TENM4: variants seen among roughly 807,000 people sequenced by gnomAD.
The protein encoded by TENM4 is teneurin-4.
In TENM4, 82 loss-of-function variants were observed where a neutral mutation model predicts 243.3. That is an observed-to-expected ratio of 0.34 (90% CI 0.28 to 0.40). The LOEUF (loss-of-function observed/expected upper bound fraction) is 0.40. Among genes scored for constraint, TENM4 ranks in the 10% least tolerant of loss-of-function variants. TENM4 has a pLI of 1.00. For missense variants in TENM4, 3,138 were observed against 3,673.3 expected, an observed-to-expected ratio of 0.85 and a Z score of 3.77; for synonymous variants, 1,412 against 1,456.3, an observed-to-expected ratio of 0.97 and a Z score of 0.69.
chr11:78,692,648 ATGAATGTTGGC>A (rs1198923962), intron 28 of TENM4, among the ~76,000 whole-genome samples: 1 of 152,124 alleles, frequency 6.6e-6, no homozygotes, highest in Non-Finnish European at 1.5e-5. Flanking sequence ...CCTCGTGTCA[ATGAATGTTGGC>A]TGAATGTTGG....
At chr11:79,424,706 G>C (rs565504441) in intron 1 of TENM4, among the ~76,000 whole-genome samples, 2 of 151,970 alleles carry the variant, frequency 1.3e-5, no homozygotes, top group African/African-American at 4.8e-5. Context: ...AGGCCGAGGC[G>C]GGCGGATCAT....
chr11:79,214,658 A>G (rs1419133057), intron 3 of TENM4, among the ~76,000 whole-genome samples: 1 of 152,200 alleles, frequency 6.6e-6, no homozygotes, highest in Non-Finnish European at 1.5e-5. Flanking sequence ...ATGTCTTCCC[A>G]CACCTCCTGG....
intron 2 of TENM4, among the ~76,000 whole-genome samples, chr11:79,294,638 C>G (rs1373152034): frequency 6.6e-6 from 1 of 152,152 alleles, no homozygotes; most frequent in Non-Finnish European, 1.5e-5. Context: ...CATCTGAGAT[C>G]AGGAGTTTGA....
chr11:79,257,946 C>A (rs1246711274), intron 2 of TENM4, among the ~76,000 whole-genome samples: 1 of 152,196 alleles, frequency 6.6e-6, no homozygotes, highest in African/African-American at 2.4e-5. Flanking sequence ...GTGAAAACAG[C>A]CTGCAGAATG....
intron 10 of TENM4, among the ~76,000 whole-genome samples, chr11:78,860,774 CTGCA>C (rs1364923321): frequency 6.6e-6 from 1 of 152,182 alleles, no homozygotes; most frequent in Non-Finnish European, 1.5e-5. Flanking sequence ...CAGCACAGTG[CTGCA>C]TTGAAGGCAT....
chr11:79,005,036 C>T (rs978220150), intron 6 of TENM4, among the ~76,000 whole-genome samples: 2 of 147,376 alleles, frequency 1.4e-5, no homozygotes, highest in African/African-American at 5.0e-5. Context: ...TTCCTCAAAA[C>T]ATACAATGTC....
Position 78,986,607 on chromosome 11 carries a change from C to T in TENM4, c.493+78131G>A, listed in dbSNP as rs976747220. On this transcript the variant is annotated intron_variant, in intron 6 of 33. Coordinates refer to ENST00000278550, the MANE Select transcript of TENM4 (RefSeq NM_001098816.3). ...TGAGACAGAGTCTCGCTCTGTCGTCCGCCTAGAGCGCAGTGGTGTGATCTC... is the reference window on the plus strand; with the variant it reads ...TGAGACAGAGTCTCGCTCTGTCGTCTGCCTAGAGCGCAGTGGTGTGATCTC... 3.9e-5 allele frequency among the ~76,000 whole-genome samples: 6 copies of T among 152,158 alleles called. No homozygotes were observed. In the East Asian group the frequency reaches 5.8e-4, roughly 15 times the overall value.
At chr11:79,395,589 A>G (rs903141110) in intron 1 of TENM4, among the ~76,000 whole-genome samples, 1 of 152,218 alleles carries the variant, frequency 6.6e-6, no homozygotes, top group African/African-American at 2.4e-5. Context: ...AAAAGGCCAC[A>G]GGCATCGGAT....
intron 1 of TENM4, among the ~76,000 whole-genome samples, chr11:79,343,202 T>C (rs1025453427): frequency 6.6e-6 from 1 of 152,234 alleles, no homozygotes; most frequent in Non-Finnish European, 1.5e-5. Context: ...TACTGACCAC[T>C]AAGCACTCTG....
At chr11:78,701,063 G>GT (rs560018394) in intron 28 of TENM4, among the ~76,000 whole-genome samples, 1 of 151,352 alleles carries the variant, frequency 6.6e-6, no homozygotes, top group Non-Finnish European at 1.5e-5. Context: ...AATGAAAAGG[G>GT]TTTTTTTTTG....
intron 4 of TENM4, chr11:79,092,703 A>C (rs890700050): frequency 1.3e-5 from 2 of 152,244 alleles, no homozygotes; most frequent in Non-Finnish European, 2.9e-5. Context: ...ATTAATTAAT[A>C]GATCCATCAA....
intron 1 of TENM4, among the ~76,000 whole-genome samples, chr11:79,352,954 AG>A (rs1362020849): frequency 5.3e-5 from 8 of 152,312 alleles, no homozygotes; most frequent in Non-Finnish European, 1.0e-4. Flanking sequence ...TGACAGAGAC[AG>A]GGACAGAAAA....
chr11:79,172,538 C>CCCTA (rs1336710194), intron 3 of TENM4, among the ~76,000 whole-genome samples: 2 of 152,232 alleles, frequency 1.3e-5, no homozygotes, highest in Admixed American at 1.3e-4. Flanking sequence ...ATCCTGCTAA[C>CCCTA]CCTATCTGCA....
intron 6 of TENM4, among the ~76,000 whole-genome samples, chr11:78,977,745 CACTGTTGGTGGAAG>C (rs1364422361): frequency 1.6e-3 from 242 of 152,338 alleles, no homozygotes; most frequent in African/African-American, 5.7e-3. Flanking sequence ...AAGGCTTTTA[CACTGTTGGTGGAAG>C]CGTAAATTAG....
At chr11:78,844,737 G>A (rs997523211) in intron 12 of TENM4, among the ~76,000 whole-genome samples, 7 of 151,992 alleles carry the variant, frequency 4.6e-5, no homozygotes, top group Non-Finnish European at 8.8e-5. Flanking sequence ...GCAAGAAGGC[G>A]ACTGTTGCCA....
chr11:78,900,727 C>T (rs139015359), intron 7 of TENM4, among the ~76,000 whole-genome samples: 119 of 152,204 alleles, frequency 7.8e-4, no homozygotes, highest in African/African-American at 2.0e-3. Context: ...AGCTAGTAAG[C>T]GTTAAAGCCA....
At chr11:79,371,937 AG>A (rs1857796274) in intron 1 of TENM4, among the ~76,000 whole-genome samples, 1 of 152,136 alleles carries the variant, frequency 6.6e-6, no homozygotes, top group African/African-American at 2.4e-5. Flanking sequence ...CAGAGATAAG[AG>A]GTAGGTGTGA....
chr11:79,365,854 G>A (rs1187162115), intron 1 of TENM4, among the ~76,000 whole-genome samples: 2 of 152,232 alleles, frequency 1.3e-5, no homozygotes, highest in East Asian at 3.9e-4. Flanking sequence ...GGTGCGGGTA[G>A]AGGCAAGGGT....
intron 6 of TENM4, among the ~76,000 whole-genome samples, chr11:78,934,460 G>A (rs1476315934): frequency 2.0e-5 from 3 of 152,162 alleles, no homozygotes; most frequent in Non-Finnish European, 4.4e-5. Flanking sequence ...CATCTCAGGT[G>A]TTCTCTAGGC....
Sources: gnomAD v4.1 joint callset for allele counts (sites outside exome capture counted in the v4.1 genomes callset) on GRCh38, gnomAD v4.1.1 for gene constraint, MANE v1.5 for transcripts, NCBI Gene and HGNC (gene_info 2026-07-23, HGNC 2026-07-21) for gene names.